Variants in HFM1 observed in about 807,000 individuals in gnomAD.
HFM1 encodes the protein helicase for meiosis 1.
HFM1 carries 169 observed loss-of-function variants against 192.1 expected under a neutral mutation model. That is an observed-to-expected ratio of 0.88 (90% CI 0.78 to 1.00). The LOEUF (loss-of-function observed/expected upper bound fraction) is 1.00. Among genes scored for constraint, HFM1 ranks in the 50% least tolerant of loss-of-function variants. The probability of loss-of-function intolerance (pLI) is 0.00; values close to 1 mark genes in which losing one functional copy is unlikely to be tolerated. For missense variants in HFM1, 1,661 were observed against 1,668.0 expected (o/e 1.00, Z 0.07); for synonymous variants, 525 against 537.8 (o/e 0.98, Z 0.33).
chr1:91,268,801 T>C (rs552457282), intron 34 of HFM1, among the ~76,000 whole-genome samples: 1 of 152,206 alleles, frequency 6.6e-6, no homozygotes, highest in South Asian at 2.1e-4. Flanking sequence ...AGTCAACCTA[T>C]GGCTGCAAGT....
intron 30 of HFM1, among the ~76,000 whole-genome samples, chr1:91,300,242 T>C (rs184326277): frequency 6.6e-6 from 1 of 152,040 alleles, no homozygotes; most frequent in East Asian, 1.9e-4. Flanking sequence ...AGGAAGAAGC[T>C]GAATCTCTGA....
chr1:91,310,793 C>T (rs1169655117), intron 30 of HFM1, among the ~76,000 whole-genome samples: 1 of 152,188 alleles, frequency 6.6e-6, no homozygotes, highest in Non-Finnish European at 1.5e-5. Context: ...TTAACTCCCA[C>T]CATGTGATTC....
chr1:91,398,909 T>A (rs1663985314), intron 2 of HFM1, among the ~76,000 whole-genome samples: 1 of 152,126 alleles, frequency 6.6e-6, no homozygotes, highest in Admixed American at 6.5e-5. Context: ...GCCAGGCTAG[T>A]CTCAAACTCC....
At chr1:91,284,193 G>A (rs1436165744) in intron 30 of HFM1, among the ~76,000 whole-genome samples, 2 of 151,398 alleles carry the variant, frequency 1.3e-5, no homozygotes, top group Non-Finnish European at 2.9e-5. Flanking sequence ...CTGAGGACTG[G>A]CTTTATCCTT....
Position 91,347,440 on chromosome 1 carries a change from G to T in HFM1, c.2243C>A (p.Ala748Glu). Residue 748 changes from alanine (A) to glutamate (E), a missense_variant, in exon 19 of 39, where the codon GCA (alanine) becomes GAA (glutamate). Ala to Glu is a moderately radical substitution (Grantham distance 107). Transcript: ENST00000370425. Reference sequence around the variant, plus strand: ...GAAATGCATCTAACCTTGTAATTTTGCTTCAATTCCATCTTTGTTCAATCC... The same window carrying T: ...GAAATGCATCTAACCTTGTAATTTTTCTTCAATTCCATCTTTGTTCAATCC... ...ASGLNKDGIE[A>E]KLQELCLKNL... 2 of 1,580,062 alleles carry T rather than the reference G, an allele frequency of 1.3e-6. No homozygotes were observed. The highest frequency in any genetic ancestry group is 2.3e-5 in the East Asian group (1 of 43,934).
intron 20 of HFM1, among the ~76,000 whole-genome samples, chr1:91,330,156 G>T (rs1476737799): frequency 6.6e-6 from 1 of 152,048 alleles, no homozygotes; most frequent in African/African-American, 2.4e-5. Context: ...TGTTCATCTG[G>T]CAATCAGCTG....
At chr1:91,317,706 A>G (rs542160128) in intron 25 of HFM1, among the ~76,000 whole-genome samples, 96 of 152,282 alleles carry the variant, frequency 6.3e-4, no homozygotes, top group African/African-American at 2.3e-3. Flanking sequence ...CTCAGCTTCT[A>G]GTATTCATAA....
chr1:91,332,915 A>G (rs558739417), intron 20 of HFM1, among the ~76,000 whole-genome samples: 4 of 152,346 alleles, frequency 2.6e-5, no homozygotes, highest in Middle Eastern at 3.4e-3. Flanking sequence ...ATCTCACCGC[A>G]GTTACAATGG....
chr1:91,365,526 G>A (rs991463857), intron 13 of HFM1, among the ~76,000 whole-genome samples: 8 of 152,076 alleles, frequency 5.3e-5, no homozygotes, highest in Non-Finnish European at 7.4e-5. Flanking sequence ...AAAGACAAGA[G>A]GAAGTTAAGA....
At chr1:91,390,818 C>T (rs1348993051) in intron 4 of HFM1, among the ~76,000 whole-genome samples, 1 of 152,052 alleles carries the variant, frequency 6.6e-6, no homozygotes, top group African/African-American at 2.4e-5. Flanking sequence ...TCAAATTGTC[C>T]CTGTTTGCAG....
At chr1:91,286,524 T>C (rs985181856) in intron 30 of HFM1, among the ~76,000 whole-genome samples, 1 of 152,218 alleles carries the variant, frequency 6.6e-6, no homozygotes. Context: ...GGTGTCTGTG[T>C]CTTTTTGCCT....
intron 13 of HFM1, among the ~76,000 whole-genome samples, chr1:91,372,669 C>T (rs903762611): frequency 3.3e-5 from 5 of 151,884 alleles, no homozygotes; most frequent in African/African-American, 7.3e-5. Context: ...CACACCAACA[C>T]CACATGTATA....
At chr1:91,360,545 G>A (rs1360434296) in intron 13 of HFM1, among the ~76,000 whole-genome samples, 1 of 151,958 alleles carries the variant, frequency 6.6e-6, no homozygotes, top group Non-Finnish European at 1.5e-5. Context: ...GATTCATAAA[G>A]CAAGTTCTTA....
At chr1:91,299,968 A>T (rs1104355) in intron 30 of HFM1, among the ~76,000 whole-genome samples, 15,033 of 152,096 alleles carry the variant, frequency 0.099, 1,048 homozygotes, top group African/African-American at 0.2. Flanking sequence ...GACACAAAAA[A>T]CCCTTCAAAA....
At chr1:91,317,450 C>A (rs1651431007) in intron 25 of HFM1, among the ~76,000 whole-genome samples, 1 of 152,024 alleles carries the variant, frequency 6.6e-6, no homozygotes, top group African/African-American at 2.4e-5. Flanking sequence ...AAATCAAGTT[C>A]ATTTTCTTCT....
intron 30 of HFM1, among the ~76,000 whole-genome samples, chr1:91,296,683 C>T (rs1314602295): frequency 1.3e-5 from 2 of 152,068 alleles, no homozygotes; most frequent in Admixed American, 1.3e-4. Context: ...AGTATGTTTT[C>T]CCTAATTTCC....
chr1:91,339,716 T>C (rs1038691058), intron 20 of HFM1, among the ~76,000 whole-genome samples: 1 of 151,880 alleles, frequency 6.6e-6, no homozygotes, highest in African/African-American at 2.4e-5. Flanking sequence ...AGCAAGAAAC[T>C]TGGAAAATAT....
chr1:91,261,485 C>T (rs1332854361), intron 38 of HFM1, 126 bp from the exon 39 acceptor site: 2 of 436,096 alleles, frequency 4.6e-6, no homozygotes, highest in African/African-American at 4.1e-5. Flanking sequence ...GTTAATGTAT[C>T]AAATAAACTT....
chr1:91,322,289 A>G (rs373471713), intron 23 of HFM1, among the ~76,000 whole-genome samples: 20 of 152,334 alleles, frequency 1.3e-4, no homozygotes, highest in African/African-American at 4.1e-4. Context: ...TCCTCTAGCT[A>G]TGGAGGAAAA....
Sources: gnomAD v4.1 joint callset for allele counts (sites outside exome capture counted in the v4.1 genomes callset) on GRCh38, gnomAD v4.1.1 for gene constraint, MANE v1.5 for transcripts, NCBI Gene and HGNC (gene_info 2026-07-23, HGNC 2026-07-21) for gene names.